The following VPS39 variants were observed in gnomAD, a reference collection of about 807,000 sequenced individuals.
VPS39 encodes vam6/Vps39-like protein.
Under a neutral mutation model 121.0 loss-of-function variants are expected in VPS39, and 70 were observed. The observed-to-expected ratio is 0.58, with a 90% CI of 0.48 to 0.71. The LOEUF is 0.71. VPS39 is among the 30% of genes least tolerant of loss of function. The pLI is 0.00. For synonymous variants in VPS39, 378 were observed against 398.1 expected (o/e 0.95, Z 0.60); for missense variants, 818 against 1,051.5 (o/e 0.78, Z 3.07).
At chr15:42,166,682 C>T (rs1032964971) in intron 14 of VPS39, 33 bp from the exon 15 acceptor site, 34 of 1,613,948 alleles carry the variant, frequency 2.1e-5, no homozygotes, top group Non-Finnish European at 2.7e-5. Context: ...AGGTCATGAG[C>T]CTTTTCCCCA....
chr15:42,178,555 T>G lies in VPS39; in HGVS notation c.734A>C (p.Tyr245Ser). Reference sequence around the variant, plus strand: ...ATATCGAGGCAACACTGCAATGATGTAGGGAGGCTGGTGCTCTGTGAAAGA... The same window carrying G: ...ATATCGAGGCAACACTGCAATGATGGAGGGAGGCTGGTGCTCTGTGAAAGA... Reference protein sequence around the residue: ...IPVAMEHQPPYIIAVLPRYVE... With the variant: ...IPVAMEHQPPSIIAVLPRYVE... The change falls in exon 9 of 25, where the codon TAC becomes TCC. Residue 245 changes from tyrosine to serine, a missense_variant. Physicochemically the swap from Tyr to Ser is moderately radical, Grantham distance 144 (BLOSUM62 -2). Coordinates refer to ENST00000318006, the MANE Select transcript of VPS39 (RefSeq NM_015289.5). The G allele has an allele frequency of 6.2e-7, 1 of 1,614,084 alleles. No individual in the cohort carries two copies. The highest frequency in any genetic ancestry group is 1.1e-5 in the South Asian group (1 of 91,084).
chr15:42,206,625 G>A (rs1191051021), intron 1 of VPS39, among the ~76,000 whole-genome samples: 1 of 152,156 alleles, frequency 6.6e-6, no homozygotes, highest in Non-Finnish European at 1.5e-5. Flanking sequence ...ATCCCTTTCA[G>A]AAACATATGT....
In VPS39 at chr15:42,163,667, G is replaced by A. The variant is rs141752644; in HGVS notation, c.2088C>T (p.Phe696=). Residue 696 remains phenylalanine, a synonymous_variant, in exon 20 of 25, where the codon TTC becomes TTT. Coordinates refer to ENST00000318006, the MANE Select transcript of VPS39 (RefSeq NM_015289.5). The stretch of plus-strand genomic sequence containing the variant: ...TATCCTTCAAGATGTGGACATAAAT[G>A]AAAAGAGCTTGTTCATGTTTCCCCA... The part of the protein sequence containing the change: ...GRMGKHEQAL[F]IYVHILKDTR... 1.2e-4 allele frequency: 201 copies of A among 1,613,890 alleles called. No homozygotes were observed. The highest frequency in any genetic ancestry group is 1.5e-4 in the Non-Finnish European group (176 of 1,179,996).
chr15:42,189,068 G>A, intron 5 of VPS39, 46 bp downstream of exon 5: 1 of 1,353,102 alleles, frequency 7.4e-7, no homozygotes, highest in Non-Finnish European at 1.1e-6. Context: ...AGGAAAGACT[G>A]TATTGATTAA....
Position 42,167,394 on chromosome 15 carries a change from A to T in VPS39, c.1377T>A (p.His459Gln). ...GCACCCGAGCGCTCAGGTAACTCAC[A>T]TGGAGATAGCACTTGAGCAGGGTGG... ...IDTTLLKCYL[H>Q]TNVALVAPLL... The change falls in exon 13 of 25, where the codon CAT becomes CAA. Residue 459 changes from histidine to glutamine, a missense_variant and splice_region_variant. By Grantham distance (24) the His-to-Gln change is conservative. Transcript: ENST00000318006. 1 of 1,614,134 alleles carries T rather than the reference A, an allele frequency of 6.2e-7. No homozygotes were observed. The highest frequency in any genetic ancestry group is 8.5e-7 in the Non-Finnish European group (1 of 1,179,996).
rs1235653561 is a variant in VPS39, at chr15:42,194,155, T to TA, written c.140-2596dup. On this transcript the variant is annotated intron_variant, in intron 2 of 24. Coordinates refer to ENST00000318006, the MANE Select transcript of VPS39 (RefSeq NM_015289.5). ...GAACACTTTTAAGTGAAACTAGCTT[T>TA]AAAAAAAAACAAAAACAAAAACAAA... Among the ~76,000 whole-genome samples the TA allele has an allele frequency of 6.0e-5, 9 of 151,114 alleles. No homozygotes were observed. The South Asian group carries it at 6.3e-4, about 11-fold the overall frequency.
At chr15:42,204,279 G>A (rs955336759) in intron 1 of VPS39, among the ~76,000 whole-genome samples, 3 of 152,240 alleles carry the variant, frequency 2.0e-5, no homozygotes, top group African/African-American at 7.2e-5. Context: ...TATTAAAAAT[G>A]CACATTCCTG....
chr15:42,185,392 C>T (rs1267811544), intron 7 of VPS39, among the ~76,000 whole-genome samples: 20 of 151,778 alleles, frequency 1.3e-4, no homozygotes, highest in Admixed American at 1.3e-3. Flanking sequence ...ACCGTGTTAG[C>T]CAGGATGGTC....
rs1280398532 is a variant in VPS39 at position 42,163,728 on chromosome 15, C to T, written c.2027G>A (p.Gly676Asp). 2 of 1,608,954 alleles carry T rather than the reference C, an allele frequency of 1.2e-6. No homozygotes were observed. Among genetic ancestry groups the T allele is most frequent in the East Asian group, 2.2e-5 (1 of 44,728 alleles). Residue 676 changes from glycine to aspartate, a missense_variant and splice_region_variant, in exon 20 of 25, where the codon GGC becomes GAC. Gly to Asp is a moderately conservative substitution (Grantham distance 94). Coordinates refer to ENST00000318006, the MANE Select transcript of VPS39 (RefSeq NM_015289.5). ...GRLICDFPFD[G>D]LLEERALLLG... ...CAGGAGAGCTCGTTCTTCTAAGAGG[C>T]CTAGGAGGAAAAGGAATATGAGGAA...
chr15:42,163,500 C>A, intron 20 of VPS39, 105 bp from the exon 21 acceptor site: 3 of 1,550,924 alleles, frequency 1.9e-6, no homozygotes, highest in Non-Finnish European at 2.7e-6. Flanking sequence ...GCCAAAACTG[C>A]GGGCCAGGAC....
intron 10 of VPS39, among the ~76,000 whole-genome samples, chr15:42,174,171 C>T (rs2049402650): frequency 6.6e-6 from 1 of 152,044 alleles, no homozygotes; most frequent in Admixed American, 6.5e-5. Flanking sequence ...CACCTGAACC[C>T]AGGAGGTAGA....
At chr15:42,170,690 G>A (rs577279484) in intron 11 of VPS39, among the ~76,000 whole-genome samples, 44 of 143,802 alleles carry the variant, frequency 3.1e-4, no homozygotes, top group African/African-American at 1.1e-3. Flanking sequence ...TCAAAGAGGT[G>A]ACATTTTCCT....
At chr15:42,164,293 AG>A (rs1345390753) in intron 19 of VPS39, 64 bp downstream of exon 19, 3 of 1,591,968 alleles carry the variant, frequency 1.9e-6, no homozygotes, top group East Asian at 2.2e-5. Flanking sequence ...GAACAATTAA[AG>A]GGGTGGATTA....
At chr15:42,181,789 C>T (rs2049586725) in intron 8 of VPS39, among the ~76,000 whole-genome samples, 1 of 151,874 alleles carries the variant, frequency 6.6e-6, no homozygotes, top group African/African-American at 2.4e-5. Flanking sequence ...GGCTTACTGC[C>T]GCCTCCATCT....
intron 8 of VPS39, among the ~76,000 whole-genome samples, chr15:42,183,234 A>C (rs1490798144): frequency 6.8e-6 from 1 of 147,522 alleles, no homozygotes; most frequent in Non-Finnish European, 1.5e-5. Context: ...AGTAGCTGGG[A>C]CCACAGGCAC....
chr15:42,171,469 G>A (rs1848257313), intron 11 of VPS39, among the ~76,000 whole-genome samples: 1 of 152,214 alleles, frequency 6.6e-6, no homozygotes, highest in South Asian at 2.1e-4. Context: ...GGCTTAGGCT[G>A]TGGAAGCAGT....
At chr15:42,204,234 A>C (rs1466426885) in intron 1 of VPS39, among the ~76,000 whole-genome samples, 1 of 152,260 alleles carries the variant, frequency 6.6e-6, no homozygotes, top group Non-Finnish European at 1.5e-5. Context: ...TCTGGGCATA[A>C]GCCCCCAATT....
chr15:42,169,951 A>G, intron 11 of VPS39, 85 bp from the exon 12 acceptor site: 3 of 1,399,376 alleles, frequency 2.1e-6, no homozygotes, highest in Non-Finnish European at 2.9e-6. Context: ...CTATAGCAAA[A>G]TAAGTTCCAG....
intron 4 of VPS39, among the ~76,000 whole-genome samples, chr15:42,190,773 G>A (rs757330373): frequency 3.9e-5 from 6 of 152,098 alleles, no homozygotes; most frequent in Non-Finnish European, 5.9e-5. Flanking sequence ...ACATTGTATC[G>A]TGATTACTTC....
Sources: gnomAD v4.1 joint callset for allele counts (sites outside exome capture counted in the v4.1 genomes callset) on GRCh38, gnomAD v4.1.1 for gene constraint, MANE v1.5 for transcripts, NCBI Gene and HGNC (gene_info 2026-07-23, HGNC 2026-07-21) for gene names.